Variants in ADCY9 observed in about 807,000 individuals in gnomAD.
The protein encoded by ADCY9 is adenylate cyclase type 9.
A neutral mutation model predicts 101.5 loss-of-function variants in ADCY9; 50 were observed. The observed-to-expected ratio is 0.49, with a 90% confidence interval of 0.39 to 0.62. ADCY9 has a LOEUF of 0.62. Among genes scored for constraint, ADCY9 ranks in the 20% least tolerant of loss-of-function variants. ADCY9 has a pLI of 0.00. For synonymous variants in ADCY9, 905 were observed against 769.3 expected (o/e 1.18, Z -2.92); for missense variants, 1,662 against 1,800.4 (o/e 0.92, Z 1.39).
chr16:3,963,586 G>T lies in ADCY9; in HGVS notation c.*2189C>A. On this transcript the variant is annotated 3_prime_UTR_variant, in exon 11 of 11. Coordinates refer to ENST00000294016, the MANE Select transcript of ADCY9 (RefSeq NM_001116.4). ...CAGCTCCTTGGTTTCCCGGGGTGAG[G>T]AATCACAAACACCTTTGTGGTTGGG... 1 of 368,814 alleles carries T rather than the reference G, an allele frequency of 2.7e-6. No individual in the cohort carries two copies. Among genetic ancestry groups the T allele is most frequent in the Non-Finnish European group, 4.8e-6 (1 of 207,502 alleles). 22.8% of individuals were successfully genotyped at this position (368,814 alleles called of 1,614,324 possible).
intron 9 of ADCY9, among the ~76,000 whole-genome samples, chr16:3,976,691 CTT>C (rs2056095052): frequency 1.3e-5 from 2 of 152,226 alleles, no homozygotes; most frequent in Admixed American, 1.3e-4. Context: ...GAATCTCACT[CTT>C]GTCACCCAGG....
At chr16:4,100,691 C>T (rs775355312) in intron 2 of ADCY9, among the ~76,000 whole-genome samples, 1 of 144,138 alleles carries the variant, frequency 6.9e-6, no homozygotes, top group Non-Finnish European at 1.5e-5. Context: ...TACAGTGAGC[C>T]GAGATTATGC....
At position 4,097,485 on chromosome 16, in the gene ADCY9, T is replaced by TACACACAC. The variant is rs1435990370; in HGVS notation, c.1693+16264_1693+16265insGTGTGTGT. Among the ~76,000 whole-genome samples, 443 of 72,928 alleles carry TACACACAC rather than the reference T, an allele frequency of 6.1e-3. 2 individuals carry two copies. The highest frequency in any genetic ancestry group is 9.4e-3 in the Non-Finnish European group (339 of 36,154). The allele number at this position is 72,928 out of a possible 152,430, so 47.8% of individuals were successfully genotyped here. A position where few individuals can be genotyped will look rare whatever the true frequency, so the allele number is the denominator to read the frequency against. The stretch of plus-strand genomic sequence containing the variant: ...ATATATATATATATATATATATATA[T>TACACACAC]ATACACACACACACACTATATATAT... On this transcript the variant is annotated intron_variant, in intron 2 of 10. Coordinates refer to ENST00000294016, the MANE Select transcript of ADCY9 (RefSeq NM_001116.4).
Position 4,115,709 on chromosome 16 carries a change from C to G in ADCY9, c.-63G>C. ...ACGGACCTAGAACGCCCGGGGGTCC[C>G]CGCCGCGTGGCCGCCGTGGCTCCGG... On this transcript the variant is annotated 5_prime_UTR_variant, in exon 1 of 11. Transcript: ENST00000294016. This position sits in a 1 kb window ranked among gnomAD's most constrained non-coding sequence, Gnocchi z 6.2. 1 of 427,670 alleles carries G rather than the reference C, an allele frequency of 2.3e-6. No individual in the cohort carries two copies. Among genetic ancestry groups the G allele is most frequent in the Non-Finnish European group, 4.1e-6 (1 of 244,868 alleles). The allele number at this position is 427,670 out of a possible 1,614,324, so 26.5% of individuals were successfully genotyped here.
At chr16:4,053,728 G>A (rs1046633234) in intron 2 of ADCY9, among the ~76,000 whole-genome samples, 5 of 152,174 alleles carry the variant, frequency 3.3e-5, no homozygotes, top group African/African-American at 4.8e-5. Context: ...CATCAGATGC[G>A]GAGGCCTGGG....
rs1017143758 is a variant in ADCY9 at position 3,962,976 on chromosome 16, C to T, written c.*2799G>A. 22 of 153,320 alleles carry T rather than the reference C, an allele frequency of 1.4e-4. No homozygotes were observed. Among genetic ancestry groups the T allele is most frequent in the Non-Finnish European group, 2.9e-4 (20 of 68,854 alleles). The allele number at this position is 153,320 out of a possible 1,614,324, so 9.5% of individuals were successfully genotyped here. On this transcript the variant is annotated 3_prime_UTR_variant, in exon 11 of 11. Coordinates refer to ENST00000294016, the MANE Select transcript of ADCY9 (RefSeq NM_001116.4). The stretch of plus-strand genomic sequence containing the variant: ...GTGCAGGGGGAGCCCCCGCGGGTGA[C>T]GTCAGTGTGGATGAAGTCACGGGTG...
At chr16:4,020,787 C>T (rs2056470871) in intron 2 of ADCY9, among the ~76,000 whole-genome samples, 2 of 149,046 alleles carry the variant, frequency 1.3e-5, no homozygotes, top group Admixed American at 1.4e-4. Context: ...GATCGCGCCA[C>T]TGCACTCCAG....
In ADCY9 at chr16:4,002,771, G is replaced by C. The variant is rs118147180; in HGVS notation, c.1884+4597C>G. ...ACTCTATTGCCCAGTCTGAAGTGCA[G>C]TGGCGTGGTCTCAGCTCACTGCAAC... On this transcript the variant is annotated intron_variant, in intron 3 of 10. Transcript: ENST00000294016. Among the ~76,000 whole-genome samples the C allele has an allele frequency of 1.1e-4, 17 of 152,324 alleles. No homozygotes were observed. The East Asian group carries it at 1.7e-3, about 16-fold the overall frequency.
chr16:4,114,756 T>A lies in ADCY9; in HGVS notation c.687A>T (p.Glu229Asp). 1 of 1,613,180 alleles carries A rather than the reference T, an allele frequency of 6.2e-7. No individual in the cohort carries two copies. Among genetic ancestry groups the A allele is most frequent in the Non-Finnish European group, 8.5e-7 (1 of 1,180,026 alleles). Residue 229 changes from glutamate (E) to aspartate (D), a missense_variant, in exon 2 of 11, where the codon GAA (glutamate) becomes GAT (aspartate). Transcript: ENST00000294016. The surrounding 1 kb of genome is among the most constrained non-coding windows in gnomAD (Gnocchi z 4.3). ...SQVGSFSMCI[E>D]VLFLLYTVMH... ...TGACGGTATAGAGCAAAAAGAGCAC[T>A]TCGATGCACATGGAGAAGCTCCCCA...
Position 4,007,349 on chromosome 16 carries a change from A to C in ADCY9, c.1884+19T>G. 1 of 1,515,890 alleles carries C rather than the reference A, an allele frequency of 6.6e-7. No homozygotes were observed. Among genetic ancestry groups the C allele is most frequent in the Non-Finnish European group, 8.8e-7 (1 of 1,133,952 alleles). The allele number at this position is 1,515,890 out of a possible 1,614,324, so 93.9% of individuals were successfully genotyped here. A position where few individuals can be genotyped will look rare whatever the true frequency, so the allele number is the denominator to read the frequency against. On this transcript the variant is annotated intron_variant, in intron 3 of 10. Transcript: ENST00000294016. ...ATAGAAAGTTTTAGAAGTAGGAAAA[A>C]AAAAACAAAAAAACTAACCTTAAGG...
chr16:4,071,791 G>T (rs1191200360), intron 2 of ADCY9, among the ~76,000 whole-genome samples: 6 of 127,086 alleles, frequency 4.7e-5, no homozygotes, highest in Non-Finnish European at 8.3e-5. Flanking sequence ...TTTCATTGTT[G>T]TTCTGGCCCA....
At position 4,000,480 on chromosome 16, in the gene ADCY9, AGAGTAT is replaced by A. The variant is rs1262076531; in HGVS notation, c.1884+6882_1884+6887del. Among the ~76,000 whole-genome samples the A allele has an allele frequency of 2.0e-5, 3 of 152,262 alleles. 1 individual carries two copies. ...TTAGGTACGGGCATAAGTACAAAAT[AGAGTAT>A]TTCTGCTAATGCAACATTAGAGAAA... On this transcript the variant is annotated intron_variant, in intron 3 of 10. Transcript: ENST00000294016.
intron 8 of ADCY9, 69 bp downstream of exon 8, chr16:3,979,047 G>C: frequency 6.3e-7 from 1 of 1,585,296 alleles, no homozygotes; most frequent in East Asian, 2.2e-5. Flanking sequence ...TATCCCAAGT[G>C]ATTTAAAGAA....
At chr16:4,064,358 G>T (rs949647102) in intron 2 of ADCY9, among the ~76,000 whole-genome samples, 1 of 152,176 alleles carries the variant, frequency 6.6e-6, no homozygotes, top group Non-Finnish European at 1.5e-5. Flanking sequence ...GCTTTTTGTA[G>T]AAATTAACAA....
chr16:4,011,903 T>A (rs2056406983), intron 2 of ADCY9, among the ~76,000 whole-genome samples: 1 of 152,226 alleles, frequency 6.6e-6, no homozygotes, highest in African/African-American at 2.4e-5. Context: ...GAGGAGGGCT[T>A]ACCACACAGC....
At chr16:4,056,522 G>A (rs2056739065) in intron 2 of ADCY9, among the ~76,000 whole-genome samples, 1 of 152,200 alleles carries the variant, frequency 6.6e-6, no homozygotes. Context: ...CCAGAGTGCT[G>A]GGATTACAGC....
Position 4,011,103 on chromosome 16 carries a change from G to A in ADCY9, c.1694-3545C>T, listed in dbSNP as rs534785741. 2.0e-5 allele frequency among the ~76,000 whole-genome samples: 3 copies of A among 152,206 alleles called. No individual in the cohort carries two copies. The South Asian group carries it at 6.2e-4, about 32-fold the overall frequency. On this transcript the variant is annotated intron_variant, in intron 2 of 10. Coordinates refer to ENST00000294016, the MANE Select transcript of ADCY9 (RefSeq NM_001116.4). ...ACGGACGGATCAGCACCCTCCACAC[G>A]GAGAACTGAAAGACGGGGCGAGGTC...
At chr16:4,113,014 G>A (rs2057123189) in intron 2 of ADCY9, among the ~76,000 whole-genome samples, 2 of 152,096 alleles carry the variant, frequency 1.3e-5, no homozygotes, top group African/African-American at 2.4e-5. Flanking sequence ...GAGGATGAGG[G>A]AGGGGAATAC....
chr16:3,993,499 C>A lies in ADCY9; in HGVS notation c.1896G>T (p.Ser632=), dbSNP rs564832517. The A allele has an allele frequency of 6.2e-7, 1 of 1,613,916 alleles. No homozygotes were observed. Among genetic ancestry groups the A allele is most frequent in the Non-Finnish European group, 8.5e-7 (1 of 1,180,008 alleles). The stretch of plus-strand genomic sequence containing the variant: ...ATTTGGGAGCAAATGTGATTCCGCA[C>A]GAAGGGCAGGTCTAGAAGAAAAACA... The part of the protein sequence containing the change: ...KTFDNLKTCP[S]CGITFAPKSE... The change falls in exon 4 of 11, where the codon TCG becomes TCT. Residue 632 remains serine, a synonymous_variant. Transcript: ENST00000294016.
Sources: allele counts gnomAD v4.1 joint callset (sites outside exome capture counted in the v4.1 genomes callset), GRCh38; gene constraint gnomAD v4.1.1; non-coding constraint Gnocchi (gnomAD v3.1); transcripts MANE v1.5; gene names NCBI Gene and HGNC (gene_info 2026-07-23, HGNC 2026-07-21).